ZNF182: variants seen among roughly 807,000 people sequenced by gnomAD.
The protein encoded by ZNF182 is zinc finger protein 182.
ZNF182 carries 10 observed loss-of-function variants against 28.1 expected under a neutral mutation model. The ratio of observed to expected loss-of-function variants is 0.36; its 90% confidence interval spans 0.22 to 0.60. ZNF182 has a LOEUF of 0.60. ZNF182 is among the 20% of genes least tolerant of loss of function. The pLI, the probability that ZNF182 is intolerant of heterozygous loss-of-function variation, is 0.75. For missense variants in ZNF182, 352 were observed against 453.2 expected (o/e 0.78, Z 2.03); for synonymous variants, 156 against 158.7 (o/e 0.98, Z 0.13).
At chrX:47,987,288 T>C (rs1396077093) in intron 3 of ZNF182, among the ~76,000 whole-genome samples, 1 of 112,198 alleles carries the variant, frequency 8.9e-6, no homozygotes, top group Non-Finnish European at 1.9e-5. Context: ...GATCCAGCTG[T>C]ATGTTGTATA....
At chrX:47,989,816 A>T (rs781871712) in intron 3 of ZNF182, among the ~76,000 whole-genome samples, 1 of 112,072 alleles carries the variant, frequency 8.9e-6, no homozygotes, top group East Asian at 2.8e-4. Context: ...AATGACAATT[A>T]CAAAGACTTC....
At chrX:47,997,842 G>T (rs993108588) in intron 3 of ZNF182, among the ~76,000 whole-genome samples, 9 of 111,312 alleles carry the variant, frequency 8.1e-5, no homozygotes, top group Non-Finnish European at 1.3e-4. Flanking sequence ...TCCTAAAAGT[G>T]TATGCATCTA....
chrX:47,990,434 T>C (rs2058937688), intron 3 of ZNF182, among the ~76,000 whole-genome samples: 1 of 111,302 alleles, frequency 9.0e-6, no homozygotes, highest in Non-Finnish European at 1.9e-5. Flanking sequence ...TGCTATTGTG[T>C]CTGCCATTAA....
At chrX:47,981,973 A>G (rs1556899171) in intron 5 of ZNF182, among the ~76,000 whole-genome samples, 1 of 111,252 alleles carries the variant, frequency 9.0e-6, no homozygotes, top group African/African-American at 3.3e-5. Flanking sequence ...CTATGTATCT[A>G]CCCAAAAGAA....
chrX:48,001,903 G>A (rs1358596219), intron 3 of ZNF182, among the ~76,000 whole-genome samples: 2 of 111,139 alleles, frequency 1.8e-5, no homozygotes, highest in Non-Finnish European at 3.8e-5. Context: ...TTTTTTTGGG[G>A]TGATGAAACT....
intron 5 of ZNF182, among the ~76,000 whole-genome samples, chrX:47,982,405 C>T: frequency 8.9e-6 from 1 of 112,052 alleles, no homozygotes; most frequent in East Asian, 2.8e-4. Context: ...GGTTGTACAA[C>T]TCTGTGAATA....
chrX:48,003,355 CA>C (rs200575026), intron 2 of ZNF182, among the ~76,000 whole-genome samples, 152 bp downstream of exon 2: 1 of 111,384 alleles, frequency 9.0e-6, no homozygotes, highest in Non-Finnish European at 1.9e-5. Flanking sequence ...TATTAAATGC[CA>C]AAAAAAACTA....
chrX:47,999,555 G>A (rs927070294), intron 3 of ZNF182, among the ~76,000 whole-genome samples: 1 of 109,320 alleles, frequency 9.1e-6, no homozygotes, highest in Non-Finnish European at 1.9e-5. Flanking sequence ...ACTAGAGGCA[G>A]GGAAGGGTTG....
intron 3 of ZNF182, among the ~76,000 whole-genome samples, chrX:48,000,240 G>A (rs782746032): frequency 9.0e-6 from 1 of 111,437 alleles, no homozygotes; most frequent in African/African-American, 3.3e-5. Flanking sequence ...GATGAAACCT[G>A]ACCTAATCCT....
chrX:47,988,631 A>T, intron 3 of ZNF182: 1 of 376,669 alleles, frequency 2.7e-6, no homozygotes, highest in Non-Finnish European at 4.7e-6. Context: ...TGAGCCAAAT[A>T]AACCACTTTT....
Position 47,976,578 on chromosome X carries a change from T to A in ZNF182, c.1452A>T (p.Ile484=). 9.9e-6 allele frequency: 12 copies of A among 1,209,970 alleles called. No individual in the cohort carries two copies. Among genetic ancestry groups the A allele is most frequent in the Non-Finnish European group, 1.2e-5 (11 of 894,710 alleles). Residue 484 remains isoleucine (I), a synonymous_variant, in exon 6 of 6, where the codon ATA becomes ATT. Transcript: ENST00000376943. ...TTTCTTCTGTATGAGTTCTTTGATG[T>A]ATAATGAGATATGATTTCTGTGAAA... ...KAFSQKSYLI[I]HQRTHTEEKP...
intron 3 of ZNF182, among the ~76,000 whole-genome samples, chrX:47,992,807 C>T (rs782381107): frequency 9.8e-5 from 11 of 111,881 alleles, no homozygotes; most frequent in Non-Finnish European, 1.7e-4. Context: ...AGTCAGGGCT[C>T]TCCTAGAGAG....
rs781928564 is a variant in ZNF182 at position 47,990,264 on chromosome X, C to T, written c.16-6853G>A. ...CTCCAAAAATCCGCGTCTGGTTACT[C>T]AATAACGGGGTCTCTAAGAGACTGA... On this transcript the variant is annotated intron_variant, in intron 3 of 5. Coordinates refer to ENST00000376943, the MANE Select transcript of ZNF182 (RefSeq NM_001007088.2). 4.8e-4 allele frequency among the ~76,000 whole-genome samples: 53 copies of T among 111,540 alleles called. No individual in the cohort carries two copies. In the South Asian group the frequency reaches 0.019, roughly 41 times the overall value.
rs782593814 is a variant in ZNF182 at position 47,976,969 on chromosome X, G to A, written c.1061C>T (p.Pro354Leu). ...IHHSTHTGKK[P>L]HECNECKKTF... is the part of the protein sequence containing the mutation. ...TTTCTTACACTCATTACATTCATGG[G>A]GTTTCTTTCCTGTATGGGTACTATG... Residue 354 changes from proline to leucine, a missense_variant, in exon 6 of 6, where the codon CCC (proline) becomes CTC (leucine). Physicochemically the swap from Pro to Leu is moderately conservative, Grantham distance 98. Transcript: ENST00000376943. 1 of 1,206,252 alleles carries A rather than the reference G, an allele frequency of 8.3e-7. No individual in the cohort carries two copies. The highest frequency in any genetic ancestry group is 1.7e-5 in the African/African-American group (1 of 57,414).
In ZNF182 at chrX:47,975,290, T is replaced by C. The variant is rs930984334; in HGVS notation, c.*877A>G. ...CATTTAAACAGCTTCCAATCTTTTG[T>C]TTTCACAAACGCTGCATTAATGAAT... is the stretch of plus-strand genomic sequence containing the variant. On this transcript the variant is annotated 3_prime_UTR_variant, in exon 6 of 6. Transcript: ENST00000376943. The C allele has an allele frequency of 2.5e-5, 2 of 81,073 alleles. No homozygotes were observed. The highest frequency in any genetic ancestry group is 4.7e-5 in the Non-Finnish European group (2 of 42,511). The allele number at this position is 81,073 out of a possible 1,213,427, so 6.7% of individuals were successfully genotyped here.
In ZNF182 at chrX:47,976,991, T is replaced by C. The variant is rs2058887035; in HGVS notation, c.1039A>G (p.Ser347Gly). The change falls in exon 6 of 6, where the codon AGT (serine) becomes GGT (glycine). Residue 347 changes from serine to glycine, a missense_variant. By Grantham distance (56) the Ser-to-Gly change is moderately conservative. Transcript: ENST00000376943. Reference protein sequence around the residue: ...IQKLDLIIHHSTHTGKKPHEC... With the variant: ...IQKLDLIIHHGTHTGKKPHEC... The stretch of plus-strand genomic sequence containing the variant: ...TGGGGTTTCTTTCCTGTATGGGTAC[T>C]ATGATGTATAATTAGATCAAGCTTC... 3 of 1,202,201 alleles carry C rather than the reference T, an allele frequency of 2.5e-6. No homozygotes were observed. Among genetic ancestry groups the C allele is most frequent in the Non-Finnish European group, 3.4e-6 (3 of 892,443 alleles).
chrX:47,980,897 C>A (rs1434952585), intron 5 of ZNF182, among the ~76,000 whole-genome samples: 2 of 111,625 alleles, frequency 1.8e-5, no homozygotes, highest in Non-Finnish European at 1.9e-5. Flanking sequence ...CTTTCTGCTG[C>A]GTTTCCTAAT....
chrX:47,981,632 G>A (rs1242312592), intron 5 of ZNF182, among the ~76,000 whole-genome samples: 4 of 112,201 alleles, frequency 3.6e-5, no homozygotes, highest in Non-Finnish European at 7.5e-5. Context: ...CGGGCACGGT[G>A]GCTCACGCCT....
intron 3 of ZNF182, among the ~76,000 whole-genome samples, chrX:47,997,362 G>A (rs1184582645): frequency 1.8e-4 from 20 of 109,041 alleles, no homozygotes; most frequent in Non-Finnish European, 1.9e-4. Flanking sequence ...AATAATACAG[G>A]TGGGATAGAA....
Sources: gnomAD v4.1 joint callset for allele counts (sites outside exome capture counted in the v4.1 genomes callset) on GRCh38, gnomAD v4.1.1 for gene constraint, MANE v1.5 for transcripts, NCBI Gene and HGNC (gene_info 2026-07-23, HGNC 2026-07-21) for gene names.